The following FOXO3B variants were observed in gnomAD, a reference collection of about 807,000 sequenced individuals.
FOXO3B encodes forkhead box protein O3B.
A neutral mutation model predicts 21.9 loss-of-function variants in FOXO3B; 15 were observed. The observed-to-expected ratio is 0.68, with a 90% CI of 0.46 to 1.05. FOXO3B has a LOEUF of 1.05. Among genes scored for constraint, FOXO3B ranks in the 50% least tolerant of loss-of-function variants. The pLI is 0.00. For synonymous variants in FOXO3B, 135 were observed against 213.6 expected (o/e 0.63, Z 3.21); for missense variants, 293 against 435.5 (o/e 0.67, Z 2.91).
In FOXO3B at chr17:18,671,843, A is replaced by T; in HGVS notation, c.*466T>A. On this transcript the variant is annotated 3_prime_UTR_variant, in exon 4 of 4. Coordinates refer to ENST00000395675, the MANE Select transcript of FOXO3B (RefSeq NM_001368135.1). ...GTCAGCCGTAGCAGTTCCACCGTGC[A>T]CGGCTTGCTTACTGAAGGTGACAGG... is the stretch of plus-strand genomic sequence containing the variant. 6.2e-7 allele frequency: 1 copy of T among 1,611,770 alleles called. No individual in the cohort carries two copies. Among genetic ancestry groups the T allele is most frequent in the Non-Finnish European group, 8.5e-7 (1 of 1,178,524 alleles).
At chr17:18,675,822 G>A (rs1279426793) in intron 3 of FOXO3B, among the ~76,000 whole-genome samples, 7 of 151,996 alleles carry the variant, frequency 4.6e-5, no homozygotes, top group South Asian at 4.1e-4. Flanking sequence ...ATAAATACCT[G>A]TAAAACAAAA....
At chr17:18,677,867 G>A in intron 3 of FOXO3B, 3 of 855,912 alleles carry the variant, frequency 3.5e-6, no homozygotes, top group East Asian at 5.8e-5. Flanking sequence ...GGGTACAGGG[G>A]GCACTGAGAC....
In FOXO3B at chr17:18,672,856, G is replaced by C. The variant is rs1401502513; in HGVS notation, c.326C>G (p.Pro109Arg). 3.2e-6 allele frequency: 5 copies of C among 1,559,030 alleles called. No individual in the cohort carries two copies. In the South Asian group the frequency reaches 4.7e-5, roughly 15 times the overall value. ...CGTACAGGATCGCGGACGGCTCTGGGGCTCGAACTCCGGGTCCAGCTCCAC... is the reference window on the plus strand; with the variant it reads ...CGTACAGGATCGCGGACGGCTCTGGCGCTCGAACTCCGGGTCCAGCTCCAC... ...LEVELDPEFE[P>R]QSRPRSCTWP... The change falls in exon 4 of 4, where the codon CCC (proline) becomes CGC (arginine). Residue 109 changes from proline to arginine, a missense_variant. By Grantham distance (103) the Pro-to-Arg change is moderately radical (BLOSUM62 -2). Transcript: ENST00000395675. This position sits in a 1 kb window ranked among gnomAD's most constrained non-coding sequence, Gnocchi z 4.2.
Position 18,671,629 on chromosome 17 carries a change from T to A in FOXO3B, c.*680A>T. On this transcript the variant is annotated 3_prime_UTR_variant, in exon 4 of 4. Coordinates refer to ENST00000395675, the MANE Select transcript of FOXO3B (RefSeq NM_001368135.1). ...TTCAGAGATGAAGGTCCAAACACCG[T>A]GCTGTTAAAGGAGCTGGTTGGGGAG... is the stretch of plus-strand genomic sequence containing the variant. 2 of 1,613,920 alleles carry A rather than the reference T, an allele frequency of 1.2e-6. No homozygotes were observed. The highest frequency in any genetic ancestry group is 2.2e-5 in the South Asian group (2 of 91,076).
In FOXO3B at chr17:18,668,100, G is replaced by C. The variant is rs1470226030; in HGVS notation, c.*4209C>G. Reference sequence around the variant, plus strand: ...CACTTCAGAACCGGGCTAGTCTCTGGGGCCCTGGCCTCTCTGCAGGTGGCT... The same window carrying C: ...CACTTCAGAACCGGGCTAGTCTCTGCGGCCCTGGCCTCTCTGCAGGTGGCT... On this transcript the variant is annotated 3_prime_UTR_variant, in exon 4 of 4. Coordinates refer to ENST00000395675, the MANE Select transcript of FOXO3B (RefSeq NM_001368135.1). 1 of 152,384 alleles carries C rather than the reference G, an allele frequency of 6.6e-6. No individual in the cohort carries two copies. Among genetic ancestry groups the C allele is most frequent in the Non-Finnish European group, 1.5e-5 (1 of 68,242 alleles). 9.4% of individuals were successfully genotyped at this position (152,384 alleles called of 1,614,324 possible).
chr17:18,672,261 C>T lies in FOXO3B; in HGVS notation c.*48G>A. 2.5e-6 allele frequency: 4 copies of T among 1,611,898 alleles called. No individual in the cohort carries two copies. Among genetic ancestry groups the T allele is most frequent in the African/African-American group, 1.3e-5 (1 of 74,992 alleles). ...TCTTGCCAGTTCCCTCATTCTGGAC[C>T]CGCATGAATCGACTATGCAGTGACA... On this transcript the variant is annotated 3_prime_UTR_variant, in exon 4 of 4. Coordinates refer to ENST00000395675, the MANE Select transcript of FOXO3B (RefSeq NM_001368135.1). This position sits in a 1 kb window ranked among gnomAD's most constrained non-coding sequence, Gnocchi z 4.2.
chr17:18,681,529 C>CA (rs1210941229), intron 2 of FOXO3B, 86 bp downstream of exon 2: 1 of 646,926 alleles, frequency 1.5e-6, no homozygotes, highest in African/African-American at 2.1e-5. Flanking sequence ...AGCCAAGAGC[C>CA]ACCTCCCCTG....
rs1312735909 is a variant in FOXO3B at position 18,671,406 on chromosome 17, C to G, written c.*903G>C. On this transcript the variant is annotated 3_prime_UTR_variant, in exon 4 of 4. Coordinates refer to ENST00000395675, the MANE Select transcript of FOXO3B (RefSeq NM_001368135.1). The stretch of plus-strand genomic sequence containing the variant: ...CGGATCATTGCGAAGCATCACGTTC[C>G]GGCGGGAATTCTGGGCAGACACAGC... The G allele has an allele frequency of 1.2e-6, 2 of 1,606,512 alleles. No individual in the cohort carries two copies.
rs573457760 is a variant in FOXO3B at position 18,669,928 on chromosome 17, C to CTTTTTTT, written c.*2374_*2380dup. Among the ~76,000 whole-genome samples the CTTTTTTT allele has an allele frequency of 6.9e-6, 1 of 145,446 alleles. No homozygotes were observed. The highest frequency in any genetic ancestry group is 1.5e-5 in the Non-Finnish European group (1 of 66,260). On this transcript the variant is annotated 3_prime_UTR_variant, in exon 4 of 4. Transcript: ENST00000395675. ...ATTTGTTCTGCAAAGCAAAACAGGA[C>CTTTTTTT]TTTTTTTTTTTTTCCTTTTCTTTCT...
At chr17:18,680,336 C>G (rs1392127451) in intron 3 of FOXO3B, among the ~76,000 whole-genome samples, 1 of 152,144 alleles carries the variant, frequency 6.6e-6, no homozygotes, top group African/African-American at 2.4e-5. Context: ...ATTATTTTTA[C>G]AATCACTTCA....
At position 18,672,625 on chromosome 17, in the gene FOXO3B, A is replaced by G; in HGVS notation, c.557T>C (p.Leu186Pro). Residue 186 changes from leucine (L) to proline (P), a missense_variant, in exon 4 of 4, where the codon CTG (leucine) becomes CCG (proline). By Grantham distance (98) the Leu-to-Pro change is moderately conservative (BLOSUM62 -3). Around this residue, in one of 2 missense-constraint regions of FOXO3B, gnomAD observed 251 missense variants for 404.0 expected, o/e 0.62. Transcript: ENST00000395675. This position sits in a 1 kb window ranked among gnomAD's most constrained non-coding sequence, Gnocchi z 4.2. ...GLLLEDSVRV[L>P]APGGQDPGSG... ...CCCGGGGTCTTGCCCTCCGGGTGCC[A>G]GCACCCGGACCGAGTCCTCAAGGAG... 1 of 1,446,270 alleles carries G rather than the reference A, an allele frequency of 6.9e-7. No individual in the cohort carries two copies. The allele number at this position is 1,446,270 out of a possible 1,614,324, so 89.6% of individuals were successfully genotyped here. A position where few individuals can be genotyped will look rare whatever the true frequency, so the allele number is the denominator to read the frequency against.
At chr17:18,677,465 C>T (rs2032511197) in intron 3 of FOXO3B, 5 of 1,614,178 alleles carry the variant, frequency 3.1e-6, no homozygotes, top group Non-Finnish European at 4.2e-6. Context: ...ACCCTAACCC[C>T]GAGTCTGCAC....
rs761206346 is a variant in FOXO3B at position 18,673,034 on chromosome 17, G to GCGCCGCCGC, written c.139_147dup (p.Ala47_Ala49dup). On this transcript the variant is annotated inframe_insertion, in exon 4 of 4. Transcript: ENST00000395675. ...ACGCCGCGAAGGCTCCGGCTCCCGG[G>GCGCCGCCGC]CGCCGCCGCCGCCGCCGCCGCCTGG... The GCGCCGCCGC allele has an allele frequency of 4.5e-3, 6,586 of 1,454,092 alleles. 283 individuals are homozygous for GCGCCGCCGC. The African/African-American group carries it at 0.089, about 20-fold the overall frequency. The allele number at this position is 1,454,092 out of a possible 1,614,324, so 90.1% of individuals were successfully genotyped here. A position where few individuals can be genotyped will look rare whatever the true frequency, so the allele number is the denominator to read the frequency against.
chr17:18,673,862 T>A (rs201757334), intron 3 of FOXO3B, among the ~76,000 whole-genome samples: 37 of 149,698 alleles, frequency 2.5e-4, no homozygotes, highest in Non-Finnish European at 3.8e-4. Context: ...GAAGGAAAAT[T>A]AACAGTGAAG....
At chr17:18,673,759 T>C (rs1291051336) in intron 3 of FOXO3B, among the ~76,000 whole-genome samples, 2 of 151,958 alleles carry the variant, frequency 1.3e-5, no homozygotes, top group East Asian at 3.9e-4. Flanking sequence ...TATGAAAATA[T>C]CAGTCTCACT....
rs1396298976 is a variant in FOXO3B at position 18,669,427 on chromosome 17, AAG to A, written c.*2880_*2881del. On this transcript the variant is annotated 3_prime_UTR_variant, in exon 4 of 4. Transcript: ENST00000395675. ...CGCCTAATGCTTTTTATGCAAAGAA[AAG>A]AGTCTTCATATATCACTTTGGAGAA... is the stretch of plus-strand genomic sequence containing the variant. The A allele has an allele frequency of 2.6e-5, 4 of 152,130 alleles. No individual in the cohort carries two copies. Among genetic ancestry groups the A allele is most frequent in the Non-Finnish European group, 5.9e-5 (4 of 68,042 alleles). The allele number at this position is 152,130 out of a possible 1,614,324, so 9.4% of individuals were successfully genotyped here. A position where few individuals can be genotyped will look rare whatever the true frequency, so the allele number is the denominator to read the frequency against.
chr17:18,673,791 ATGAGG>A (rs780586419), intron 3 of FOXO3B, among the ~76,000 whole-genome samples: 1 of 151,910 alleles, frequency 6.6e-6, no homozygotes, highest in Non-Finnish European at 1.5e-5. Context: ...AATGAAGTAT[ATGAGG>A]GCAAAGGCGG....
At chr17:18,680,192 A>C (rs2032559859) in intron 3 of FOXO3B, among the ~76,000 whole-genome samples, 1 of 152,250 alleles carries the variant, frequency 6.6e-6, no homozygotes, top group African/African-American at 2.4e-5. Context: ...GGCCAACAAT[A>C]TAAAAGTAAG....
intron 3 of FOXO3B, among the ~76,000 whole-genome samples, chr17:18,674,469 C>CA (rs1371509249): frequency 6.7e-6 from 1 of 148,980 alleles, no homozygotes. Context: ...ACTAAAAATA[C>CA]AAAAAAATTA....
Sources: gnomAD v4.1 joint callset for allele counts (sites outside exome capture counted in the v4.1 genomes callset) on GRCh38, gnomAD v4.1.1 for gene constraint, gnomAD v4.1.1 regional missense constraint, Gnocchi (gnomAD v3.1) non-coding constraint, MANE v1.5 for transcripts, NCBI Gene and HGNC (gene_info 2026-07-23, HGNC 2026-07-21) for gene names.